EIF5B: variants seen among roughly 807,000 people sequenced by gnomAD.
The protein encoded by EIF5B is eukaryotic translation initiation factor 5B.
EIF5B carries 47 observed loss-of-function variants against 147.5 expected under a neutral mutation model. The observed-to-expected ratio is 0.32, with a 90% CI of 0.25 to 0.41. The LOEUF (loss-of-function observed/expected upper bound fraction) is 0.41, where lower values mean the gene tolerates loss of function less well. Ranked by LOEUF, EIF5B falls within the 10% of genes least tolerant of loss-of-function variation. The probability of loss-of-function intolerance (pLI) is 1.00; values close to 1 mark genes in which losing one functional copy is unlikely to be tolerated. For missense variants in EIF5B, 1,064 were observed against 1,413.2 expected, an observed-to-expected ratio of 0.75 and a Z score of 3.96; for synonymous variants, 455 against 456.2, an observed-to-expected ratio of 1.00 and a Z score of 0.03.
At chr2:99,378,382 A>G (rs1373415682) in intron 10 of EIF5B, among the ~76,000 whole-genome samples, 1 of 152,204 alleles carries the variant, frequency 6.6e-6, no homozygotes, top group Non-Finnish European at 1.5e-5. Context: ...GCATTTAGGT[A>G]AATGCAACGG....
At chr2:99,392,780 T>C (rs867923743) in intron 17 of EIF5B, among the ~76,000 whole-genome samples, 187 bp from the exon 18 acceptor site, 13 of 152,204 alleles carry the variant, frequency 8.5e-5, no homozygotes, top group African/African-American at 2.9e-4. Flanking sequence ...ACTTTTTTTT[T>C]CCTGTGGTAT....
At chr2:99,367,614 A>G (rs1277951316) in intron 6 of EIF5B, among the ~76,000 whole-genome samples, 1 of 151,816 alleles carries the variant, frequency 6.6e-6, no homozygotes, top group Non-Finnish European at 1.5e-5. Flanking sequence ...TATTTTATAT[A>G]ATACAATTTT....
intron 17 of EIF5B, among the ~76,000 whole-genome samples, chr2:99,392,298 C>T (rs753830089): frequency 1.7e-4 from 26 of 152,074 alleles, no homozygotes; most frequent in Non-Finnish European, 2.6e-4. Flanking sequence ...TAGTCTCGAA[C>T]TCCTGACCTC....
chr2:99,383,027 G>A lies in EIF5B; in HGVS notation c.2271+106G>A, dbSNP rs1674724157. 7.0e-6 allele frequency: 8 copies of A among 1,137,316 alleles called. No homozygotes were observed. The Admixed American group carries it at 2.0e-4, about 29-fold the overall frequency. The allele number at this position is 1,137,316 out of a possible 1,614,324, so 70.5% of individuals were successfully genotyped here. On this transcript the variant is annotated intron_variant, in intron 14 of 23. Transcript: ENST00000289371. The stretch of plus-strand genomic sequence containing the variant: ...TTACAAGCATAGCTCATTTTATTGT[G>A]CTTCACTATATTGTGCTTCACAGAT...
At position 99,399,640 on chromosome 2, in the gene EIF5B, C is replaced by T. The variant is rs1675157566; in HGVS notation, c.*226C>T. The T allele has an allele frequency of 4.3e-6, 2 of 464,846 alleles. No individual in the cohort carries two copies. The highest frequency in any genetic ancestry group is 7.9e-6 in the Non-Finnish European group (2 of 253,070). 28.8% of individuals were successfully genotyped at this position (464,846 alleles called of 1,614,324 possible). On this transcript the variant is annotated 3_prime_UTR_variant, in exon 24 of 24. Coordinates refer to ENST00000289371, the MANE Select transcript of EIF5B (RefSeq NM_015904.4). ...CACAGTTCCAATGTGCCTGTTCACT[C>T]ACCTCTCCCTTCCCCAACCCTTCTC...
At chr2:99,346,589 C>CTT (rs773411395) in intron 1 of EIF5B, among the ~76,000 whole-genome samples, 4,066 of 61,696 alleles carry the variant, frequency 0.066, 1,215 homozygotes, top group Middle Eastern at 0.11. Flanking sequence ...AGTTGTATCT[C>CTT]TTTTTTTTTT....
At position 99,372,347 on chromosome 2, in the gene EIF5B, CTTT is replaced by C. The variant is rs566441623; in HGVS notation, c.1552+623_1552+625del. Among the ~76,000 whole-genome samples the C allele has an allele frequency of 4.6e-5, 7 of 151,848 alleles. No homozygotes were observed. In the East Asian group the frequency reaches 1.2e-3, roughly 25 times the overall value. On this transcript the variant is annotated intron_variant, in intron 9 of 23. Coordinates refer to ENST00000289371, the MANE Select transcript of EIF5B (RefSeq NM_015904.4). ...TTTACAAGATTTATTTAGTGTATTT[CTTT>C]TTTTTGAGATGGAGTTTCACACTTG...
chr2:99,392,727 G>A (rs746708406), intron 17 of EIF5B, among the ~76,000 whole-genome samples: 3 of 151,928 alleles, frequency 2.0e-5, no homozygotes, highest in Non-Finnish European at 4.4e-5. Context: ...TCAGGATACC[G>A]GTTTGTTAGT....
intron 6 of EIF5B, among the ~76,000 whole-genome samples, chr2:99,365,907 G>A (rs557135475): frequency 6.6e-6 from 1 of 152,156 alleles, no homozygotes; most frequent in South Asian, 2.1e-4. Flanking sequence ...TTGTTTCATC[G>A]TATGTTTGAA....
chr2:99,369,980 C>T (rs1674411672), intron 8 of EIF5B, among the ~76,000 whole-genome samples: 1 of 151,716 alleles, frequency 6.6e-6, no homozygotes, highest in African/African-American at 2.4e-5. Context: ...GAGCAACAGT[C>T]CATCTCAAAA....
intron 10 of EIF5B, 27 bp downstream of exon 10, chr2:99,376,663 T>G: frequency 6.4e-7 from 1 of 1,570,610 alleles, no homozygotes; most frequent in Non-Finnish European, 8.6e-7. Context: ...TTCTCTCTAC[T>G]TTTCTTCCCA....
chr2:99,358,358 C>G (rs1674137521), intron 1 of EIF5B, among the ~76,000 whole-genome samples: 1 of 152,174 alleles, frequency 6.6e-6, no homozygotes. Flanking sequence ...TGAGACACTG[C>G]ATCCAGGCCT....
At chr2:99,338,238 C>A in intron 1 of EIF5B, 1 of 1,105,556 alleles carries the variant, frequency 9.0e-7, no homozygotes, top group African/African-American at 1.6e-5. Flanking sequence ...AAGAAGAAAC[C>A]AACCAACCGA....
chr2:99,399,668 C>T lies in EIF5B; in HGVS notation c.*254C>T. The T allele has an allele frequency of 2.6e-6, 1 of 385,724 alleles. No individual in the cohort carries two copies. The highest frequency in any genetic ancestry group is 3.7e-5 in the Admixed American group (1 of 27,134). The allele number at this position is 385,724 out of a possible 1,614,324, so 23.9% of individuals were successfully genotyped here. On this transcript the variant is annotated 3_prime_UTR_variant, in exon 24 of 24. Transcript: ENST00000289371. ...CTCTCCCTTCCCCAACCCTTCTCTA[C>T]TTGGCTGCTGTTTTAAAGTTTGCCC... is the stretch of plus-strand genomic sequence containing the variant.
intron 22 of EIF5B, 162 bp from the exon 23 acceptor site, chr2:99,398,586 C>A: frequency 1.5e-6 from 1 of 667,944 alleles, no homozygotes; most frequent in Non-Finnish European, 2.5e-6. Context: ...GTGGTGCCAG[C>A]CTAGTTTACC....
chr2:99,357,787 C>T (rs1674126423), intron 1 of EIF5B, among the ~76,000 whole-genome samples: 1 of 152,118 alleles, frequency 6.6e-6, no homozygotes, highest in African/African-American at 2.4e-5. Context: ...TGGGGATACT[C>T]CTGGGAGATG....
intron 8 of EIF5B, among the ~76,000 whole-genome samples, chr2:99,371,315 C>T (rs1163084544): frequency 5.3e-5 from 8 of 151,924 alleles, no homozygotes; most frequent in African/African-American, 1.2e-4. Context: ...GGTGAAACCC[C>T]GTCTCTACTA....
At position 99,379,304 on chromosome 2, in the gene EIF5B, C is replaced by A; in HGVS notation, c.1951-14C>A. ...ATGTTCAAATACCAATCTGTATTTG[C>A]TGTCTTCTCATAGCTCCGTCACACA... is the stretch of plus-strand genomic sequence containing the variant. On this transcript the variant is annotated splice_polypyrimidine_tract_variant and intron_variant, in intron 11 of 23. Transcript: ENST00000289371. 1 of 1,593,054 alleles carries A rather than the reference C, an allele frequency of 6.3e-7. No individual in the cohort carries two copies. Among genetic ancestry groups the A allele is most frequent in the Admixed American group, 1.7e-5 (1 of 57,394 alleles).
At chr2:99,395,224 G>T (rs1184367979) in intron 21 of EIF5B, among the ~76,000 whole-genome samples, 1 of 152,222 alleles carries the variant, frequency 6.6e-6, no homozygotes, top group Non-Finnish European at 1.5e-5. Context: ...GGAAATAAGA[G>T]ATTCTGTGGG....
Sources: gnomAD v4.1 joint callset for allele counts (sites outside exome capture counted in the v4.1 genomes callset) on GRCh38, gnomAD v4.1.1 for gene constraint, MANE v1.5 for transcripts, NCBI Gene and HGNC (gene_info 2026-07-23, HGNC 2026-07-21) for gene names.